Variants in CSMD1 observed in about 807,000 individuals in gnomAD.
CSMD1 encodes the protein CUB and Sushi multiple domains 1.
In CSMD1, 213 loss-of-function variants were observed where a neutral mutation model predicts 417.5. That is an observed-to-expected ratio of 0.51 (90% CI 0.46 to 0.57). CSMD1 has a LOEUF of 0.57. Ranked by LOEUF, CSMD1 falls within the 20% of genes least tolerant of loss-of-function variation. The pLI is 0.00. For missense variants in CSMD1, 6,923 were observed against 4,529.7 expected (o/e 1.53, Z -15.17); for synonymous variants, 2,862 against 1,736.8 (o/e 1.65, Z -16.11).
At chr8:4,529,653 T>C (rs1234471823) in intron 2 of CSMD1, among the ~76,000 whole-genome samples, 1 of 152,072 alleles carries the variant, frequency 6.6e-6, no homozygotes, top group East Asian at 1.9e-4. Context: ...GGATGTTAAA[T>C]TCCATATTAA....
intron 5 of CSMD1, among the ~76,000 whole-genome samples, chr8:3,886,504 C>CA (rs1303518800): frequency 3.9e-5 from 6 of 152,186 alleles, no homozygotes; most frequent in Non-Finnish European, 8.8e-5. Context: ...TCACACTACC[C>CA]AGCAGTGCTG....
At chr8:4,692,689 C>T (rs770103712) in intron 1 of CSMD1, among the ~76,000 whole-genome samples, 7 of 152,192 alleles carry the variant, frequency 4.6e-5, no homozygotes, top group Admixed American at 2.6e-4. Context: ...CATTTTATAA[C>T]TGAAAAGTCC....
intron 3 of CSMD1, among the ~76,000 whole-genome samples, chr8:4,270,919 G>A (rs1303459988): frequency 6.6e-6 from 1 of 152,092 alleles, no homozygotes; most frequent in Non-Finnish European, 1.5e-5. Flanking sequence ...TGATCGCTGT[G>A]AAAAATGAGA....
intron 1 of CSMD1, among the ~76,000 whole-genome samples, chr8:4,893,391 ATTT>A (rs534037001): frequency 6.6e-6 from 1 of 151,264 alleles, no homozygotes; most frequent in Non-Finnish European, 1.5e-5. Flanking sequence ...TTAATACAGA[ATTT>A]TTTTTCTTAA....
chr8:4,420,626 G>A (rs1028288788), intron 2 of CSMD1, among the ~76,000 whole-genome samples: 3 of 152,102 alleles, frequency 2.0e-5, no homozygotes, highest in Non-Finnish European at 4.4e-5. Context: ...AAACCACTGA[G>A]TTGGTCGTGA....
intron 3 of CSMD1, among the ~76,000 whole-genome samples, chr8:4,293,894 T>TAGAGGGATG (rs954779824): frequency 6.6e-6 from 1 of 151,896 alleles, no homozygotes; most frequent in African/African-American, 2.4e-5. Flanking sequence ...TAAGGTTTGA[T>TAGAGGGATG]AGAGGGATGT....
intron 4 of CSMD1, among the ~76,000 whole-genome samples, chr8:4,028,867 T>TTTGAC (rs1797200247): frequency 6.6e-6 from 1 of 152,210 alleles, no homozygotes; most frequent in African/African-American, 2.4e-5. Context: ...AAAGATAAAT[T>TTTGAC]TTTCTTAGGA....
chr8:4,446,158 C>T (rs115537972), intron 2 of CSMD1, among the ~76,000 whole-genome samples: 3 of 152,174 alleles, frequency 2.0e-5, no homozygotes, highest in African/African-American at 4.8e-5. Flanking sequence ...AACTGAAACC[C>T]ATACTTCATA....
intron 5 of CSMD1, among the ~76,000 whole-genome samples, chr8:3,917,332 G>C (rs921431391): frequency 1.3e-5 from 2 of 152,040 alleles, no homozygotes; most frequent in Non-Finnish European, 2.9e-5. Flanking sequence ...TGAATGCTAA[G>C]TTTTGCAAAT....
At chr8:4,404,697 A>C (rs551007736) in intron 3 of CSMD1, among the ~76,000 whole-genome samples, 57 of 152,102 alleles carry the variant, frequency 3.7e-4, no homozygotes, top group African/African-American at 1.1e-3. Context: ...TTATAATATT[A>C]ATATTTAAAT....
chr8:4,275,759 T>C (rs1247436870), intron 3 of CSMD1, among the ~76,000 whole-genome samples: 2 of 152,184 alleles, frequency 1.3e-5, no homozygotes, highest in Non-Finnish European at 2.9e-5. Flanking sequence ...GCAAAACACT[T>C]TAGTCACAGA....
chr8:3,960,004 T>G (rs1174600138), intron 5 of CSMD1, among the ~76,000 whole-genome samples: 2 of 152,320 alleles, frequency 1.3e-5, no homozygotes, highest in East Asian at 3.9e-4. Flanking sequence ...AGTATGTGCG[T>G]GAAGCTATTT....
At chr8:3,766,880 C>T (rs959377542) in intron 5 of CSMD1, among the ~76,000 whole-genome samples, 1 of 152,154 alleles carries the variant, frequency 6.6e-6, no homozygotes, top group African/African-American at 2.4e-5. Flanking sequence ...TCTTATATCA[C>T]TTGATAGACT....
At chr8:4,920,891 GAAAAGAAAAGAAAAGAAAAGAAAAGA>G (rs1563768719) in intron 1 of CSMD1, among the ~76,000 whole-genome samples, 11 of 49,182 alleles carry the variant, frequency 2.2e-4, no homozygotes, top group African/African-American at 6.4e-4. Context: ...GAAAAGAAAA[GAAAAGAAAAGAAAAGAAAAGAAAAGA>G]AAAGAAAAGA....
intron 7 of CSMD1, among the ~76,000 whole-genome samples, chr8:3,666,376 G>C (rs1000728441): frequency 1.3e-5 from 2 of 152,160 alleles, no homozygotes; most frequent in South Asian, 2.1e-4. Context: ...ATTCAGTAGA[G>C]TTCAAGTAAT....
chr8:3,161,580 G>A (rs988414596), intron 38 of CSMD1, among the ~76,000 whole-genome samples: 3 of 142,624 alleles, frequency 2.1e-5, no homozygotes, highest in Non-Finnish European at 4.5e-5. Context: ...TCAAGATCAT[G>A]CCGCTGCACT....
intron 3 of CSMD1, among the ~76,000 whole-genome samples, chr8:4,147,343 C>CCA (rs1264871129): frequency 1.3e-5 from 2 of 152,104 alleles, no homozygotes; most frequent in East Asian, 3.9e-4. Flanking sequence ...CTATTGCGCC[C>CCA]CACCCTTCTT....
intron 5 of CSMD1, among the ~76,000 whole-genome samples, chr8:3,885,229 A>C (rs1365689818): frequency 6.6e-6 from 1 of 151,984 alleles, no homozygotes; most frequent in Non-Finnish European, 1.5e-5. Context: ...GAGACTATTT[A>C]TTAGTGTTCA....
intron 1 of CSMD1, among the ~76,000 whole-genome samples, chr8:4,918,038 G>A (rs140186179): frequency 6.6e-6 from 1 of 152,112 alleles, no homozygotes; most frequent in African/African-American, 2.4e-5. Flanking sequence ...AATAATACTA[G>A]ACTTTGTGAT....
Sources: gnomAD v4.1 joint callset for allele counts (sites outside exome capture counted in the v4.1 genomes callset) on GRCh38, gnomAD v4.1.1 for gene constraint, MANE v1.5 for transcripts, NCBI Gene and HGNC (gene_info 2026-07-23, HGNC 2026-07-21) for gene names.